MAD1L1: variants seen among roughly 807,000 people sequenced by gnomAD.
MAD1L1 encodes the protein mitotic arrest deficient 1 like 1.
A neutral mutation model predicts 96.9 loss-of-function variants in MAD1L1; 95 were observed. That is an observed-to-expected ratio of 0.98 (90% confidence interval 0.83 to 1.16). The LOEUF is 1.16. Among genes scored for constraint, MAD1L1 ranks in the 50% most tolerant of loss-of-function variants. MAD1L1 has a pLI of 0.00. For missense variants in MAD1L1, 1,007 were observed against 954.4 expected, an observed-to-expected ratio of 1.06 and a Z score of -0.73; for synonymous variants, 473 against 396.6, an observed-to-expected ratio of 1.19 and a Z score of -2.29.
chr7:2,230,626 G>A lies in MAD1L1; in HGVS notation c.-88C>T, dbSNP rs182119228. On this transcript the variant is annotated 5_prime_UTR_variant, in exon 2 of 19. Transcript: ENST00000265854. ...AGCCTGGCAGTGTGACACAGTCCAA[G>A]TCTGAAGGCCTCAGAGCCAGGGGTC... 1 of 159,224 alleles carries A rather than the reference G, an allele frequency of 6.3e-6. No individual in the cohort carries two copies. The highest frequency in any genetic ancestry group is 2.4e-5 in the African/African-American group (1 of 41,628). The allele number at this position is 159,224 out of a possible 1,614,324, so 9.9% of individuals were successfully genotyped here.
At chr7:2,079,993 A>G (rs1785558450) in intron 11 of MAD1L1, 10 of 317,600 alleles carry the variant, frequency 3.1e-5, no homozygotes, top group South Asian at 2.3e-4. Flanking sequence ...GGTCAGAGAG[A>G]AGGAGACCAT....
chr7:1,932,815 T>C (rs559993995), intron 17 of MAD1L1, among the ~76,000 whole-genome samples: 7 of 152,358 alleles, frequency 4.6e-5, no homozygotes, highest in Non-Finnish European at 7.3e-5. Flanking sequence ...CCTCCTTCCA[T>C]GTTCCTGTTG....
At chr7:2,137,559 AGTGAGGGGCCCAG>A (rs1788814568) in intron 11 of MAD1L1, among the ~76,000 whole-genome samples, 1 of 152,060 alleles carries the variant, frequency 6.6e-6, no homozygotes, top group Non-Finnish European at 1.5e-5. Context: ...GGCCCAGGTG[AGTGAGGGGCCCAG>A]GCTGTCTCCT....
rs113539793 is a variant in MAD1L1 at position 1,926,140 on chromosome 7, A to G, written c.1807+10547T>C. ...CAAGAGCACAGACAATTCACTGCTC[A>G]TACATTTGATCACAGATATAATGAA... On this transcript the variant is annotated intron_variant, in intron 17 of 18. Transcript: ENST00000265854. Among the ~76,000 whole-genome samples the G allele has an allele frequency of 4.5e-3, 682 of 152,354 alleles. 5 individuals are homozygous for G. Among genetic ancestry groups the G allele is most frequent in the African/African-American group, 0.015 (644 of 41,576 alleles).
chr7:2,050,992 C>A (rs1022317597), intron 12 of MAD1L1, among the ~76,000 whole-genome samples: 1 of 152,324 alleles, frequency 6.6e-6, no homozygotes, highest in Admixed American at 6.5e-5. Flanking sequence ...CAGCTAACTT[C>A]CTTTCCTTTC....
intron 12 of MAD1L1, among the ~76,000 whole-genome samples, chr7:2,025,032 G>C (rs1052994218): frequency 1.3e-5 from 2 of 152,150 alleles, no homozygotes; most frequent in Non-Finnish European, 2.9e-5. Flanking sequence ...TAAACTATGG[G>C]CTTTGGTTAA....
intron 18 of MAD1L1, among the ~76,000 whole-genome samples, chr7:1,844,647 T>TG (rs1382086052): frequency 6.6e-6 from 1 of 151,996 alleles, no homozygotes; most frequent in Non-Finnish European, 1.5e-5. Context: ...CCCCCAAAGC[T>TG]GGGGGGAGTC....
intron 18 of MAD1L1, among the ~76,000 whole-genome samples, chr7:1,854,577 G>T (rs1031161915): frequency 6.6e-6 from 1 of 152,042 alleles, no homozygotes; most frequent in Non-Finnish European, 1.5e-5. Context: ...CATTCACGAG[G>T]GCCCCACCCT....
At chr7:1,859,493 G>A (rs1269992687) in intron 18 of MAD1L1, among the ~76,000 whole-genome samples, 1 of 152,240 alleles carries the variant, frequency 6.6e-6, no homozygotes, top group Admixed American at 6.5e-5. Flanking sequence ...CTGCGAGGCG[G>A]AGCGCATCCC....
chr7:1,945,136 G>A (rs1053173563), intron 16 of MAD1L1, among the ~76,000 whole-genome samples: 7 of 152,128 alleles, frequency 4.6e-5, no homozygotes, highest in Admixed American at 2.0e-4. Flanking sequence ...ACGGTGCCTC[G>A]GCGCCCGCTC....
At chr7:1,847,715 C>G (rs1239149355) in intron 18 of MAD1L1, 2 of 470,308 alleles carry the variant, frequency 4.3e-6, no homozygotes, top group South Asian at 1.5e-5. Context: ...GGCCTGGGTT[C>G]CCATCGCTTC....
chr7:2,223,639 C>T (rs1264170506), intron 4 of MAD1L1: 1 of 152,290 alleles, frequency 6.6e-6, no homozygotes, highest in African/African-American at 2.4e-5. Flanking sequence ...ACCCGCGCAC[C>T]TCGGAGGGAC....
intron 10 of MAD1L1, among the ~76,000 whole-genome samples, chr7:2,163,168 T>C (rs751465572): frequency 3.9e-5 from 6 of 152,116 alleles, no homozygotes; most frequent in Non-Finnish European, 8.8e-5. Context: ...ACCGGCACAT[T>C]AAGGATGGGC....
chr7:1,957,523 G>T, intron 16 of MAD1L1, 106 bp downstream of exon 16: 2 of 1,111,798 alleles, frequency 1.8e-6, no homozygotes, highest in Non-Finnish European at 2.6e-6. Flanking sequence ...AGACAGACGA[G>T]CCAGAAAACG....
At chr7:1,886,599 G>A (rs1786047483) in intron 18 of MAD1L1, among the ~76,000 whole-genome samples, 1 of 152,250 alleles carries the variant, frequency 6.6e-6, no homozygotes, top group African/African-American at 2.4e-5. Context: ...AAACAGGCGT[G>A]TGGGCGTGTG....
intron 11 of MAD1L1, among the ~76,000 whole-genome samples, chr7:2,125,878 C>T (rs544162202): frequency 1.2e-4 from 16 of 131,544 alleles, no homozygotes; most frequent in African/African-American, 4.0e-4. Context: ...AGTCAGCTTA[C>T]GCGTCTGTTT....
intron 14 of MAD1L1, among the ~76,000 whole-genome samples, chr7:1,990,048 C>A (rs927929723): frequency 6.6e-6 from 1 of 152,244 alleles, no homozygotes; most frequent in Admixed American, 6.5e-5. Flanking sequence ...GTAACTCCCC[C>A]CACCGCAATT....
intron 11 of MAD1L1, among the ~76,000 whole-genome samples, chr7:2,124,618 G>A (rs759255091): frequency 7.2e-5 from 11 of 152,164 alleles, no homozygotes; most frequent in African/African-American, 2.2e-4. Context: ...CGAAGCCCCC[G>A]CTCTGAGCTC....
intron 10 of MAD1L1, among the ~76,000 whole-genome samples, chr7:2,196,441 C>A (rs575649117): frequency 2.6e-5 from 4 of 152,210 alleles, no homozygotes; most frequent in Admixed American, 2.6e-4. Flanking sequence ...AAGATACTCC[C>A]GCAAAACGCT....
Sources: gnomAD v4.1 joint callset for allele counts (sites outside exome capture counted in the v4.1 genomes callset) on GRCh38, gnomAD v4.1.1 for gene constraint, MANE v1.5 for transcripts, NCBI Gene and HGNC (gene_info 2026-07-23, HGNC 2026-07-21) for gene names.